The following PPFIA1 variants were observed in gnomAD, a reference collection of about 807,000 sequenced individuals.
PPFIA1 encodes PPFI scaffold protein A1.
Under a neutral mutation model 149.9 loss-of-function variants are expected in PPFIA1, and 25 were observed. The ratio of observed to expected loss-of-function variants is 0.17; its 90% CI spans 0.12 to 0.23. The LOEUF (loss-of-function observed/expected upper bound fraction) is 0.23, where lower values mean the gene tolerates loss of function less well. Ranked by LOEUF, PPFIA1 falls within the 10% of genes least tolerant of loss-of-function variation. The pLI, the probability that PPFIA1 is intolerant of heterozygous loss-of-function variation, is 1.00. For synonymous variants in PPFIA1, 549 were observed against 552.8 expected (o/e 0.99, Z 0.10); for missense variants, 1,362 against 1,506.5 (o/e 0.90, Z 1.59).
intron 2 of PPFIA1, among the ~76,000 whole-genome samples, chr11:70,306,423 A>G (rs2052855353): frequency 6.6e-6 from 1 of 152,210 alleles, no homozygotes; most frequent in Non-Finnish European, 1.5e-5. Context: ...TTTTAATAGT[A>G]TTTTAAATTA....
intron 26 of PPFIA1, 55 bp downstream of exon 26, chr11:70,378,250 G>C: frequency 1.3e-6 from 2 of 1,572,148 alleles, no homozygotes; most frequent in Non-Finnish European, 1.7e-6. Context: ...GCAGCTTTCT[G>C]TCTGGAACAT....
At chr11:70,312,377 G>A (rs1233213196) in intron 2 of PPFIA1, among the ~76,000 whole-genome samples, 1 of 152,020 alleles carries the variant, frequency 6.6e-6, no homozygotes, top group African/African-American at 2.4e-5. Flanking sequence ...TTTTGGGAGG[G>A]ACCAGGTTTC....
At chr11:70,279,904 G>GGTGTGTGTGTGTGTGTGTGT (rs1565335096) in intron 2 of PPFIA1, among the ~76,000 whole-genome samples, 18 of 98,652 alleles carry the variant, frequency 1.8e-4, no homozygotes, top group African/African-American at 1.3e-3. Flanking sequence ...GTGTGTGGGG[G>GGTGTGTGTGTGTGTGTGTGT]ATGTGTGTGT....
chr11:70,274,986 G>A (rs975591485), intron 2 of PPFIA1, among the ~76,000 whole-genome samples: 5 of 152,224 alleles, frequency 3.3e-5, no homozygotes, highest in Admixed American at 2.0e-4. Context: ...GAATGCAAAT[G>A]ATGGTGTGTG....
chr11:70,291,324 G>T (rs2051512082), intron 2 of PPFIA1, among the ~76,000 whole-genome samples: 1 of 152,238 alleles, frequency 6.6e-6, no homozygotes, highest in Non-Finnish European at 1.5e-5. Context: ...GGCAGGATGA[G>T]ATGATTTCGA....
intron 2 of PPFIA1, among the ~76,000 whole-genome samples, chr11:70,314,849 A>G (rs2053501614): frequency 6.6e-6 from 1 of 152,206 alleles, no homozygotes; most frequent in Non-Finnish European, 1.5e-5. Context: ...GGTAATTCAT[A>G]AAGGAAAGGT....
chr11:70,382,945 G>A (rs1044485018), intron 27 of PPFIA1, 58 bp from the exon 28 acceptor site: 35 of 359,524 alleles, frequency 9.7e-5, no homozygotes, highest in South Asian at 1.7e-4. Flanking sequence ...AGAAGTTCCC[G>A]TTCGTCAGTA....
rs578241077 is a variant in PPFIA1 at position 70,326,698 on chromosome 11, A to G, written c.810A>G (p.Lys270=). 23 of 1,614,202 alleles carry G rather than the reference A, an allele frequency of 1.4e-5. No homozygotes were observed. Among genetic ancestry groups the G allele is most frequent in the South Asian group, 1.3e-4 (12 of 91,086 alleles). The change falls in exon 7 of 28, where the codon AAA becomes AAG. Residue 270 remains lysine (K), a synonymous_variant. Transcript: ENST00000253925. ...SKQSREQSQM[K]ERLASLSSHV... ...AGTCAAGGGAACAGAGCCAAATGAA[A>G]GAACGCCTGGCTTCCCTTTCCAGTC...
intron 2 of PPFIA1, among the ~76,000 whole-genome samples, chr11:70,294,745 GGTGATGACTCTTAACGA>G (rs1025797636): frequency 6.6e-6 from 1 of 151,428 alleles, no homozygotes; most frequent in Non-Finnish European, 1.5e-5. Context: ...ATTAGGGAGT[GGTGATGACTCTTAACGA>G]GCATGCTGCC....
intron 2 of PPFIA1, among the ~76,000 whole-genome samples, chr11:70,280,260 G>A (rs193184012): frequency 5.3e-5 from 8 of 150,050 alleles, no homozygotes; most frequent in Admixed American, 2.7e-4. Context: ...AAATATATAT[G>A]TATATAAAAA....
intron 25 of PPFIA1, among the ~76,000 whole-genome samples, chr11:70,377,579 G>A: frequency 6.6e-6 from 1 of 152,138 alleles, no homozygotes. Flanking sequence ...TGGGAGGATG[G>A]CTTGAGCCCA....
chr11:70,313,147 G>A (rs944914077), intron 2 of PPFIA1, among the ~76,000 whole-genome samples: 1 of 152,176 alleles, frequency 6.6e-6, no homozygotes, highest in Admixed American at 6.5e-5. Flanking sequence ...GGAGGGAGAC[G>A]CTGGAGTCAG....
chr11:70,375,699 G>A (rs2057462178), intron 24 of PPFIA1: 1 of 152,134 alleles, frequency 6.6e-6, no homozygotes, highest in Non-Finnish European at 1.5e-5. Flanking sequence ...GCCAAGGCAG[G>A]GAGATTGCTT....
chr11:70,295,362 C>T (rs1591090995), intron 2 of PPFIA1, among the ~76,000 whole-genome samples: 1 of 133,676 alleles, frequency 7.5e-6, no homozygotes, highest in Non-Finnish European at 1.6e-5. Flanking sequence ...CCGGATGGGG[C>T]GGCTGGCCGG....
At chr11:70,360,959 C>G (rs968805597) in intron 19 of PPFIA1, among the ~76,000 whole-genome samples, 1 of 152,216 alleles carries the variant, frequency 6.6e-6, no homozygotes, top group Non-Finnish European at 1.5e-5. Flanking sequence ...CAATTAGCCT[C>G]TTTGAAAGCC....
chr11:70,382,331 CA>C (rs1474738150), intron 27 of PPFIA1, among the ~76,000 whole-genome samples, 173 bp downstream of exon 27: 1 of 152,034 alleles, frequency 6.6e-6, no homozygotes, highest in East Asian at 1.9e-4. Context: ...TTTGTTGTTA[CA>C]ATTGATCATA....
At chr11:70,352,606 TTCC>T (rs2056118079) in intron 16 of PPFIA1, among the ~76,000 whole-genome samples, 1 of 152,066 alleles carries the variant, frequency 6.6e-6, no homozygotes, top group South Asian at 2.1e-4. Flanking sequence ...GACTGTCGCC[TTCC>T]TTCTCTGTGT....
At chr11:70,272,864 A>C (rs1300061843) in intron 2 of PPFIA1, among the ~76,000 whole-genome samples, 5 of 152,252 alleles carry the variant, frequency 3.3e-5, no homozygotes, top group Non-Finnish European at 7.3e-5. Context: ...CACGGAAAAA[A>C]AAAATTATTT....
intron 2 of PPFIA1, among the ~76,000 whole-genome samples, chr11:70,320,793 T>C (rs2053891884): frequency 6.6e-6 from 1 of 152,172 alleles, no homozygotes; most frequent in Non-Finnish European, 1.5e-5. Flanking sequence ...GGCAATTCTC[T>C]GCTATACAGA....
Sources: gnomAD v4.1 joint callset for allele counts (sites outside exome capture counted in the v4.1 genomes callset) on GRCh38, gnomAD v4.1.1 for gene constraint, MANE v1.5 for transcripts, NCBI Gene and HGNC (gene_info 2026-07-23, HGNC 2026-07-21) for gene names.